The following MICAL3 variants were observed in gnomAD, a reference collection of about 807,000 sequenced individuals.
The protein encoded by MICAL3 is [F-actin]-monooxygenase MICAL3.
A neutral mutation model predicts 207.4 loss-of-function variants in MICAL3; 62 were observed. The ratio of observed to expected loss-of-function variants is 0.30; its 90% confidence interval spans 0.24 to 0.37. MICAL3 has a LOEUF of 0.37. MICAL3 is among the 10% of genes least tolerant of loss of function. The pLI is 1.00. For synonymous variants in MICAL3, 1,077 were observed against 1,069.3 expected (o/e 1.01, Z -0.14); for missense variants, 2,368 against 2,635.6 (o/e 0.90, Z 2.22).
At chr22:17,884,511 T>C (rs188829882) in intron 16 of MICAL3, among the ~76,000 whole-genome samples, 3 of 152,304 alleles carry the variant, frequency 2.0e-5, no homozygotes, top group Admixed American at 2.0e-4. Flanking sequence ...TCTTAGAAAG[T>C]TACACTTCTA....
intron 16 of MICAL3, 40 bp from the exon 17 acceptor site, chr22:17,872,063 G>C: frequency 6.5e-7 from 1 of 1,543,600 alleles, no homozygotes; most frequent in South Asian, 1.2e-5. Flanking sequence ...GAGCACCTCA[G>C]GGAGTGCCAC....
At chr22:17,880,177 G>C (rs989988890) in intron 16 of MICAL3, among the ~76,000 whole-genome samples, 5 of 152,214 alleles carry the variant, frequency 3.3e-5, no homozygotes, top group African/African-American at 7.2e-5. Flanking sequence ...CCAGAGCGTA[G>C]CCCCGGTCCC....
intron 20 of MICAL3, among the ~76,000 whole-genome samples, chr22:17,839,415 C>T (rs1268584046): frequency 6.6e-6 from 1 of 151,606 alleles, no homozygotes; most frequent in African/African-American, 2.4e-5. Context: ...TGCCACCACA[C>T]CTGGCAAGTT....
At chr22:17,829,367 C>T (rs1922549363) in intron 21 of MICAL3, among the ~76,000 whole-genome samples, 1 of 152,150 alleles carries the variant, frequency 6.6e-6, no homozygotes, top group Non-Finnish European at 1.5e-5. Flanking sequence ...CAGGGTTTCT[C>T]CATGTTGGTC....
chr22:17,819,195 G>A (rs1380297818), intron 25 of MICAL3, 66 bp from the exon 26 acceptor site: 17 of 1,407,816 alleles, frequency 1.2e-5, no homozygotes, highest in Non-Finnish European at 1.5e-5. Flanking sequence ...GCATCCTCGG[G>A]GAGCCTTCTC....
At chr22:17,915,616 C>T (rs1442714348) in intron 1 of MICAL3, among the ~76,000 whole-genome samples, 3 of 152,120 alleles carry the variant, frequency 2.0e-5, no homozygotes, top group South Asian at 2.1e-4. Context: ...TCAGGTGTCT[C>T]GCCTGCCTGT....
intron 1 of MICAL3, among the ~76,000 whole-genome samples, chr22:18,016,923 G>A (rs1485673166): frequency 1.3e-5 from 2 of 150,060 alleles, no homozygotes; most frequent in East Asian, 4.0e-4. Flanking sequence ...CTGGGTGACA[G>A]AGCCAGACTC....
intron 28 of MICAL3, among the ~76,000 whole-genome samples, chr22:17,809,528 G>T (rs2062021477): frequency 6.6e-6 from 1 of 152,226 alleles, no homozygotes; most frequent in Non-Finnish European, 1.5e-5. Context: ...CAGCTACTCG[G>T]GAGGCTGAGG....
chr22:17,829,091 T>A (rs768928791), intron 21 of MICAL3, among the ~76,000 whole-genome samples: 1 of 152,140 alleles, frequency 6.6e-6, no homozygotes, highest in African/African-American at 2.4e-5. Context: ...TATTAGCCCC[T>A]TGTTGGAGTT....
At position 17,841,593 on chromosome 22, in the gene MICAL3, G is replaced by C. The variant is rs112872723; in HGVS notation, c.2801+229C>G. 468 of 585,920 alleles carry C rather than the reference G, an allele frequency of 8.0e-4. 1 individual carries two copies. The highest frequency in any genetic ancestry group is 7.4e-3 in the African/African-American group (399 of 53,842). The allele number at this position is 585,920 out of a possible 1,614,324, so 36.3% of individuals were successfully genotyped here. A position where few individuals can be genotyped will look rare whatever the true frequency, so the allele number is the denominator to read the frequency against. On this transcript the variant is annotated intron_variant, in intron 20 of 31. Coordinates refer to ENST00000441493, the MANE Select transcript of MICAL3 (RefSeq NM_015241.3). This position sits in a 1 kb window ranked among gnomAD's most constrained non-coding sequence, Gnocchi z 4.2. ...CAGACTTGGAGCTGGGGACATGTCA[G>C]GTCCTCAAGGAATAAATACTTCCTG...
intron 24 of MICAL3, 119 bp downstream of exon 24, chr22:17,821,911 C>G (rs909231438): frequency 5.5e-6 from 7 of 1,284,354 alleles, no homozygotes; most frequent in Non-Finnish European, 7.6e-6. Context: ...GCCCACACCT[C>G]GGAGGCTGGT....
At position 17,861,831 on chromosome 22, in the gene MICAL3, G is replaced by A. The variant is rs981732696; in HGVS notation, c.2605+3068C>T. ...ACAATGCCCCCAAACACTAAATTAG[G>A]CAGCAGGTACAGATTTGGTTACCAG... is the stretch of plus-strand genomic sequence containing the variant. On this transcript the variant is annotated intron_variant, in intron 19 of 31. Coordinates refer to ENST00000441493, the MANE Select transcript of MICAL3 (RefSeq NM_015241.3). 1.0e-5 allele frequency: 10 copies of A among 985,230 alleles called. No homozygotes were observed. In the African/African-American group the frequency reaches 1.4e-4, roughly 14 times the overall value. 61.0% of individuals were successfully genotyped at this position (985,230 alleles called of 1,614,324 possible).
At position 17,790,848 on chromosome 22, in the gene MICAL3, C is replaced by T. The variant is rs780386149; in HGVS notation, c.5893G>A (p.Glu1965Lys). The T allele has an allele frequency of 6.2e-7, 1 of 1,613,890 alleles. No homozygotes were observed. The highest frequency in any genetic ancestry group is 1.1e-5 in the South Asian group (1 of 91,090). Reference sequence around the variant, plus strand: ...AGCGCCACCAGTGAGTCTCTCTGCTCCACCACCTCCAGCATCTCATTGAGA... The same window carrying T: ...AGCGCCACCAGTGAGTCTCTCTGCTTCACCACCTCCAGCATCTCATTGAGA... ...QILNEMLEVVEQRDSLVALLE... is the reference protein window; with the variant it reads ...QILNEMLEVVKQRDSLVALLE... Residue 1965 changes from glutamate (E) to lysine (K), a missense_variant, in exon 32 of 32, where the codon GAG becomes AAG. By Grantham distance (56) the Glu-to-Lys change is moderately conservative. Coordinates refer to ENST00000441493, the MANE Select transcript of MICAL3 (RefSeq NM_015241.3).
chr22:17,918,231 C>T (rs564721467), intron 1 of MICAL3, among the ~76,000 whole-genome samples: 47 of 152,074 alleles, frequency 3.1e-4, no homozygotes, highest in Middle Eastern at 3.4e-3. Flanking sequence ...CAGTGAGCTA[C>T]GATCATGCCA....
intron 1 of MICAL3, among the ~76,000 whole-genome samples, chr22:17,922,710 GCCTTGTTCCAGGAGGGT>G (rs1408461243): frequency 6.6e-6 from 1 of 152,152 alleles, no homozygotes; most frequent in African/African-American, 2.4e-5. Flanking sequence ...GGTGAGCACA[GCCTTGTTCCAGGAGGGT>G]CCTTATTCTC....
intron 19 of MICAL3, among the ~76,000 whole-genome samples, chr22:17,855,616 A>G (rs1602062520): frequency 6.6e-6 from 1 of 152,250 alleles, no homozygotes; most frequent in Non-Finnish European, 1.5e-5. Flanking sequence ...TATAGAGAAA[A>G]TGAAGAGAAA....
chr22:17,988,321 A>G (rs1448171210), intron 1 of MICAL3, among the ~76,000 whole-genome samples: 2 of 152,142 alleles, frequency 1.3e-5, no homozygotes, highest in African/African-American at 4.8e-5. Flanking sequence ...CTCCACATCC[A>G]CTGCCAACAT....
chr22:17,991,106 G>C (rs1921630592), intron 1 of MICAL3, among the ~76,000 whole-genome samples: 1 of 152,258 alleles, frequency 6.6e-6, no homozygotes, highest in African/African-American at 2.4e-5. Context: ...CAGAGGCTGG[G>C]CCAGCCAGGC....
At chr22:18,012,539 A>G (rs1182476697) in intron 1 of MICAL3, among the ~76,000 whole-genome samples, 2 of 152,212 alleles carry the variant, frequency 1.3e-5, no homozygotes, top group African/African-American at 2.4e-5. Flanking sequence ...TGCATTGCCC[A>G]TAAGTGCCAT....
Sources: gnomAD v4.1 joint callset for allele counts (sites outside exome capture counted in the v4.1 genomes callset) on GRCh38, gnomAD v4.1.1 for gene constraint, Gnocchi (gnomAD v3.1) non-coding constraint, MANE v1.5 for transcripts, NCBI Gene and HGNC (gene_info 2026-07-23, HGNC 2026-07-21) for gene names.